The following TTLL11 variants were observed in gnomAD, a reference collection of about 807,000 sequenced individuals.
TTLL11 encodes tubulin polyglutamylase TTLL11.
A neutral mutation model predicts 51.7 loss-of-function variants in TTLL11; 42 were observed. The observed-to-expected ratio is 0.81, with a 90% CI of 0.64 to 1.05. TTLL11 has a LOEUF of 1.05. Ranked by LOEUF, TTLL11 falls within the 50% of genes least tolerant of loss-of-function variation. The pLI, the probability that TTLL11 is intolerant of heterozygous loss-of-function variation, is 0.00. For missense variants in TTLL11, 799 were observed against 940.4 expected, an observed-to-expected ratio of 0.85 and a Z score of 1.97; for synonymous variants, 381 against 383.5, an observed-to-expected ratio of 0.99 and a Z score of 0.08.
intron 3 of TTLL11, among the ~76,000 whole-genome samples, chr9:122,026,838 G>A (rs1214358126): frequency 1.3e-5 from 2 of 148,374 alleles, no homozygotes; most frequent in African/African-American, 4.9e-5. Flanking sequence ...CTTTCATGGT[G>A]TTCTTGCCAA....
intron 6 of TTLL11, among the ~76,000 whole-genome samples, chr9:121,924,270 G>A (rs1412949439): frequency 6.6e-6 from 1 of 152,236 alleles, no homozygotes; most frequent in African/African-American, 2.4e-5. Context: ...GCCCATTGTA[G>A]GTGCTCGGCG....
chr9:121,877,427 C>T (rs1422699493), intron 6 of TTLL11, among the ~76,000 whole-genome samples: 2 of 152,096 alleles, frequency 1.3e-5, no homozygotes, highest in Admixed American at 6.5e-5. Flanking sequence ...ACAGGTGAGG[C>T]GTGGGCTTCC....
intron 8 of TTLL11, among the ~76,000 whole-genome samples, chr9:121,842,914 C>T (rs1373127400): frequency 6.6e-6 from 1 of 152,306 alleles, no homozygotes; most frequent in African/African-American, 2.4e-5. Context: ...CATTATTTAA[C>T]CTCTCTGAGC....
intron 6 of TTLL11, among the ~76,000 whole-genome samples, chr9:121,962,890 C>T (rs576927851): frequency 2.5e-4 from 38 of 152,372 alleles, no homozygotes; most frequent in African/African-American, 8.7e-4. Flanking sequence ...ACATGAGACC[C>T]TGCCCCAAAG....
chr9:121,901,265 T>C (rs984707834), intron 6 of TTLL11, among the ~76,000 whole-genome samples: 20 of 152,222 alleles, frequency 1.3e-4, no homozygotes, highest in Admixed American at 5.2e-4. Flanking sequence ...TTTCTAGGTA[T>C]AGAATCACAT....
intron 1 of TTLL11, among the ~76,000 whole-genome samples, chr9:122,085,144 C>T (rs993307254): frequency 8.5e-5 from 13 of 152,100 alleles, no homozygotes; most frequent in African/African-American, 2.7e-4. Flanking sequence ...CCTGTAGTCC[C>T]AGCTACTCAG....
chr9:121,829,977 C>G (rs932580824), intron 8 of TTLL11, among the ~76,000 whole-genome samples: 1 of 152,192 alleles, frequency 6.6e-6, no homozygotes, highest in Non-Finnish European at 1.5e-5. Flanking sequence ...ACATGGCTGT[C>G]TCTCTAATGA....
At chr9:121,946,501 C>G (rs1347581168) in intron 6 of TTLL11, among the ~76,000 whole-genome samples, 1 of 152,190 alleles carries the variant, frequency 6.6e-6, no homozygotes, top group Non-Finnish European at 1.5e-5. Flanking sequence ...GGAATCATAC[C>G]TGGGGCCAGC....
At chr9:121,840,123 C>T (rs1415981237) in intron 8 of TTLL11, among the ~76,000 whole-genome samples, 2 of 152,154 alleles carry the variant, frequency 1.3e-5, no homozygotes, top group African/African-American at 4.8e-5. Flanking sequence ...TGCAAATTGC[C>T]TTCTTTACAG....
At chr9:121,942,738 A>ATTTTTTTTTTTTTTTTTTT (rs34352222) in intron 6 of TTLL11, among the ~76,000 whole-genome samples, 1 of 97,906 alleles carries the variant, frequency 1.0e-5, no homozygotes, top group Non-Finnish European at 2.1e-5. Flanking sequence ...AATCTGTCTT[A>ATTTTTTTTTTTTTTTTTTT]TTTTTTTTTT....
chr9:122,060,415 A>G (rs958436021), intron 1 of TTLL11, among the ~76,000 whole-genome samples: 2 of 152,222 alleles, frequency 1.3e-5, no homozygotes. Context: ...TGCTCAGAAG[A>G]GGAATATAAG....
rs868794196 is a variant in TTLL11 at position 121,858,121 on chromosome 9, G to A, written c.1840+2216C>T. ...TAATCTGCCTACTTCTCCTGAAGAC[G>A]CTCCATCTCACGCCTCTCCTGGTTG... On this transcript the variant is annotated intron_variant, in intron 8 of 8. Transcript: ENST00000321582. 1.5e-4 allele frequency among the ~76,000 whole-genome samples: 23 copies of A among 152,208 alleles called. No homozygotes were observed. The South Asian group carries it at 4.3e-3, about 29-fold the overall frequency.
At chr9:121,958,402 C>T (rs149100798) in intron 6 of TTLL11, among the ~76,000 whole-genome samples, 83 of 152,306 alleles carry the variant, frequency 5.4e-4, no homozygotes, top group African/African-American at 1.9e-3. Context: ...TCCCATATAA[C>T]CACCTTCAAG....
At chr9:122,059,315 C>T (rs1175522629) in intron 1 of TTLL11, among the ~76,000 whole-genome samples, 1 of 152,196 alleles carries the variant, frequency 6.6e-6, no homozygotes, top group African/African-American at 2.4e-5. Flanking sequence ...TGAGCATTTA[C>T]TATGTGCCAG....
intron 8 of TTLL11, among the ~76,000 whole-genome samples, chr9:121,838,724 A>T (rs993838498): frequency 6.6e-6 from 1 of 151,672 alleles, no homozygotes; most frequent in African/African-American, 2.4e-5. Flanking sequence ...GTCAAGAAAG[A>T]AAGAAAAGAA....
At chr9:121,965,492 C>T (rs775606341) in intron 6 of TTLL11, among the ~76,000 whole-genome samples, 2 of 152,184 alleles carry the variant, frequency 1.3e-5, no homozygotes, top group Non-Finnish European at 2.9e-5. Context: ...AAACTGCCCC[C>T]ATGATCCAAT....
intron 8 of TTLL11, among the ~76,000 whole-genome samples, chr9:121,838,564 C>T (rs1207951177): frequency 6.6e-6 from 1 of 151,738 alleles, no homozygotes; most frequent in Non-Finnish European, 1.5e-5. Flanking sequence ...ACCAAAAATA[C>T]AAAAATTAGC....
At chr9:121,957,312 A>G (rs1312867216) in intron 6 of TTLL11, among the ~76,000 whole-genome samples, 1 of 152,096 alleles carries the variant, frequency 6.6e-6, no homozygotes, top group Non-Finnish European at 1.5e-5. Context: ...CCAAAAGGAA[A>G]CTTGGTCAAT....
At chr9:122,039,448 T>C in intron 1 of TTLL11, 80 bp from the exon 2 acceptor site, 1 of 1,096,232 alleles carries the variant, frequency 9.1e-7, no homozygotes, top group Non-Finnish European at 1.4e-6. Context: ...TACAAATTCC[T>C]GGCACCCTGG....
Sources: gnomAD v4.1 joint callset for allele counts (sites outside exome capture counted in the v4.1 genomes callset) on GRCh38, gnomAD v4.1.1 for gene constraint, MANE v1.5 for transcripts, NCBI Gene and HGNC (gene_info 2026-07-23, HGNC 2026-07-21) for gene names.